Variants in CABCOCO1 observed in about 807,000 individuals in gnomAD.
CABCOCO1 encodes ciliary-associated calcium-binding coiled-coil protein 1.
Under a neutral mutation model 35.7 loss-of-function variants are expected in CABCOCO1, and 28 were observed. The ratio of observed to expected loss-of-function variants is 0.78; its 90% CI spans 0.58 to 1.07. CABCOCO1 has a LOEUF of 1.07. CABCOCO1 is among the 50% of genes least tolerant of loss of function. The probability of loss-of-function intolerance (pLI) is 0.00; values close to 1 mark genes in which losing one functional copy is unlikely to be tolerated. For missense variants in CABCOCO1, 326 were observed against 309.2 expected (o/e 1.05, Z -0.41); for synonymous variants, 95 against 100.1 (o/e 0.95, Z 0.30).
intron 5 of CABCOCO1, among the ~76,000 whole-genome samples, chr10:61,707,242 A>G (rs1436547946): frequency 6.6e-6 from 1 of 152,172 alleles, no homozygotes; most frequent in Admixed American, 6.5e-5. Context: ...ATAGCAAGTT[A>G]GGCAGGCGAA....
chr10:61,699,220 G>C (rs544599047), intron 5 of CABCOCO1, among the ~76,000 whole-genome samples: 32 of 152,190 alleles, frequency 2.1e-4, no homozygotes, highest in Non-Finnish European at 3.5e-4. Flanking sequence ...TAAAGAAAAT[G>C]GTTGATGCTT....
rs1564532794 is a variant in CABCOCO1, at chr10:61,680,686, TGTATAACATATATATGTTATAC to T, written c.165-456_165-435del. The stretch of plus-strand genomic sequence containing the variant: ...ACATGTATAACATATATGTTATACA[TGTATAACATATATATGTTATAC>T]ATGTATAACATATATATTATATATA... On this transcript the variant is annotated intron_variant, in intron 2 of 7. Coordinates refer to ENST00000648843, the MANE Select transcript of CABCOCO1 (RefSeq NM_001366906.2). Among the ~76,000 whole-genome samples, 25 of 78,670 alleles carry T rather than the reference TGTATAACATATATATGTTATAC, an allele frequency of 3.2e-4. 2 individuals carry two copies. Among genetic ancestry groups the T allele is most frequent in the African/African-American group, 1.2e-3 (22 of 18,254 alleles). 51.6% of individuals were successfully genotyped at this position (78,670 alleles called of 152,430 possible). A position where few individuals can be genotyped will look rare whatever the true frequency, so the allele number is the denominator to read the frequency against.
chr10:61,690,279 T>C lies in CABCOCO1; in HGVS notation c.480-270T>C, dbSNP rs374541013. Among the ~76,000 whole-genome samples, 4 of 152,272 alleles carry C rather than the reference T, an allele frequency of 2.6e-5. No individual in the cohort carries two copies. In the East Asian group the frequency reaches 7.7e-4, roughly 29 times the overall value. On this transcript the variant is annotated intron_variant, in intron 4 of 7. Coordinates refer to ENST00000648843, the MANE Select transcript of CABCOCO1 (RefSeq NM_001366906.2). ...TCAAGATGCCATCTAATTTCTCCCT[T>C]ATTCCTAACTTACCCACTCATTACA...
chr10:61,756,778 AAG>A (rs2132087990), intron 5 of CABCOCO1, among the ~76,000 whole-genome samples: 1 of 152,152 alleles, frequency 6.6e-6, no homozygotes, highest in East Asian at 1.9e-4. Context: ...TCTCATATAG[AAG>A]AAGGGAGGTT....
rs1841308614 is a variant in CABCOCO1, at chr10:61,731,776, G to A, written c.553-28283G>A. On this transcript the variant is annotated intron_variant, in intron 5 of 7. Coordinates refer to ENST00000648843, the MANE Select transcript of CABCOCO1 (RefSeq NM_001366906.2). ...GGGAGGACAGAGGGAGGAAGGGAAG[G>A]AGGGAGGGAGGGAGGGAAGGGGGGG... Among the ~76,000 whole-genome samples, 7 of 137,624 alleles carry A rather than the reference G, an allele frequency of 5.1e-5. No individual in the cohort carries two copies. The South Asian group carries it at 1.7e-3, about 34-fold the overall frequency. The allele number at this position is 137,624 out of a possible 152,430, so 90.3% of individuals were successfully genotyped here.
chr10:61,691,952 A>G (rs886188257), intron 5 of CABCOCO1, among the ~76,000 whole-genome samples: 4 of 152,186 alleles, frequency 2.6e-5, no homozygotes, highest in African/African-American at 4.8e-5. Flanking sequence ...TTCAATAAAC[A>G]TATGTGTACA....
chr10:61,708,121 TA>T (rs1472395859), intron 5 of CABCOCO1, among the ~76,000 whole-genome samples: 1 of 151,474 alleles, frequency 6.6e-6, no homozygotes, highest in African/African-American at 2.4e-5. Flanking sequence ...TCTTATACTA[TA>T]ACCTTGGGAT....
At chr10:61,763,965 A>G (rs955497220) in intron 7 of CABCOCO1, among the ~76,000 whole-genome samples, 2 of 151,976 alleles carry the variant, frequency 1.3e-5, no homozygotes, top group African/African-American at 4.8e-5. Flanking sequence ...TACTAAGCCT[A>G]AGGTCTGGAG....
Position 61,766,289 on chromosome 10 carries a change from G to T in CABCOCO1, c.*276G>T. On this transcript the variant is annotated 3_prime_UTR_variant, in exon 8 of 8. Coordinates refer to ENST00000648843, the MANE Select transcript of CABCOCO1 (RefSeq NM_001366906.2). The stretch of plus-strand genomic sequence containing the variant: ...TATATAAAAATACAATTACTTTTAT[G>T]ATAGTCCTTTGACGTTTTGACTAAT... 1 of 212,484 alleles carries T rather than the reference G, an allele frequency of 4.7e-6. No homozygotes were observed. The highest frequency in any genetic ancestry group is 5.5e-5 in the Admixed American group (1 of 18,282). 13.2% of individuals were successfully genotyped at this position (212,484 alleles called of 1,614,324 possible).
chr10:61,732,220 C>T (rs923868344), intron 5 of CABCOCO1, among the ~76,000 whole-genome samples: 5 of 152,036 alleles, frequency 3.3e-5, no homozygotes, highest in Admixed American at 6.6e-5. Context: ...TACAGTCTGC[C>T]TGGATTCCCC....
rs1839951176 is a variant in CABCOCO1, at chr10:61,686,098, T to C, written c.392T>C (p.Ile131Thr). The stretch of plus-strand genomic sequence containing the variant: ...TGGCTTGGAGAAGTTATGGCTGAAA[T>C]AGGACCAACACATTCGCAAAAGAGT... ...IKWLGEVMAE[I>T]GPTHSQKSED... is the part of the protein sequence containing the mutation. Residue 131 changes from isoleucine to threonine, a missense_variant, in exon 4 of 8, where the codon ATA becomes ACA. Coordinates refer to ENST00000648843, the MANE Select transcript of CABCOCO1 (RefSeq NM_001366906.2). 6.2e-7 allele frequency: 1 copy of C among 1,609,128 alleles called. No individual in the cohort carries two copies. The highest frequency in any genetic ancestry group is 8.5e-7 in the Non-Finnish European group (1 of 1,178,578).
intron 1 of CABCOCO1, among the ~76,000 whole-genome samples, chr10:61,668,925 G>T (rs899958046): frequency 6.8e-6 from 1 of 146,170 alleles, no homozygotes; most frequent in Non-Finnish European, 1.5e-5. Flanking sequence ...GTAAAGATCA[G>T]ATCTGTATTA....
At chr10:61,699,124 G>C (rs1589129132) in intron 5 of CABCOCO1, among the ~76,000 whole-genome samples, 1 of 152,214 alleles carries the variant, frequency 6.6e-6, no homozygotes, top group East Asian at 1.9e-4. Flanking sequence ...TGTTGCTAAA[G>C]AAAATCAATC....
At chr10:61,726,641 G>C (rs1841157254) in intron 5 of CABCOCO1, among the ~76,000 whole-genome samples, 1 of 151,940 alleles carries the variant, frequency 6.6e-6, no homozygotes, top group Admixed American at 6.6e-5. Flanking sequence ...AATATTGTAA[G>C]AGGGGTTACT....
intron 4 of CABCOCO1, among the ~76,000 whole-genome samples, chr10:61,689,353 A>G (rs994318660): frequency 5.3e-5 from 8 of 152,332 alleles, no homozygotes; most frequent in Admixed American, 5.2e-4. Context: ...CCAACAAATC[A>G]AAGTACTGTC....
chr10:61,670,211 A>G (rs1031528443), intron 1 of CABCOCO1, among the ~76,000 whole-genome samples: 2 of 152,082 alleles, frequency 1.3e-5, no homozygotes, highest in African/African-American at 4.8e-5. Flanking sequence ...ATACTTTACC[A>G]CTCATAAAAA....
At chr10:61,696,249 TG>T (rs1840292018) in intron 5 of CABCOCO1, among the ~76,000 whole-genome samples, 1 of 151,986 alleles carries the variant, frequency 6.6e-6, no homozygotes, top group Admixed American at 6.6e-5. Flanking sequence ...ATTATATCCT[TG>T]GGGGAAGCAT....
At chr10:61,728,668 T>C (rs980194052) in intron 5 of CABCOCO1, among the ~76,000 whole-genome samples, 1 of 152,136 alleles carries the variant, frequency 6.6e-6, no homozygotes, top group African/African-American at 2.4e-5. Context: ...ACTTCAGAAT[T>C]TGAATTTTCA....
At chr10:61,722,266 A>G (rs144115121) in intron 5 of CABCOCO1, among the ~76,000 whole-genome samples, 1 of 152,352 alleles carries the variant, frequency 6.6e-6, no homozygotes, top group African/African-American at 2.4e-5. Context: ...ATAAATTCCT[A>G]TATTAGAAAT....
Sources: gnomAD v4.1 joint callset for allele counts (sites outside exome capture counted in the v4.1 genomes callset) on GRCh38, gnomAD v4.1.1 for gene constraint, MANE v1.5 for transcripts, NCBI Gene and HGNC (gene_info 2026-07-23, HGNC 2026-07-21) for gene names.